ANK1: variants seen among roughly 807,000 people sequenced by gnomAD.
ANK1 encodes ankyrin-1.
A neutral mutation model predicts 210.4 loss-of-function variants in ANK1; 51 were observed. That is an observed-to-expected ratio of 0.24 (90% confidence interval 0.19 to 0.31). The LOEUF is 0.31. Ranked by LOEUF, ANK1 falls within the 10% of genes least tolerant of loss-of-function variation. The probability of loss-of-function intolerance (pLI) is 1.00; values close to 1 mark genes in which losing one functional copy is unlikely to be tolerated. For missense variants in ANK1, 2,051 were observed against 2,504.4 expected (o/e 0.82, Z 3.86); for synonymous variants, 967 against 1,025.9 (o/e 0.94, Z 1.10).
At chr8:41,803,045 A>AAGAAAGAAAGAAAGAAAG (rs1850266251) in intron 1 of ANK1, among the ~76,000 whole-genome samples, 1 of 71,530 alleles carries the variant, frequency 1.4e-5, no homozygotes, top group African/African-American at 6.1e-5. Context: ...AAGAAAGAGA[A>AAGAAAGAAAGAAAGAAAG]AGAAAGAAAG....
At chr8:41,886,052 G>A (rs189319051) in intron 1 of ANK1, among the ~76,000 whole-genome samples, 62 of 152,328 alleles carry the variant, frequency 4.1e-4, no homozygotes, top group African/African-American at 1.2e-3. Flanking sequence ...GGGACAGGAC[G>A]TTCATCTTTT....
At chr8:41,829,404 T>A (rs1398383532) in intron 1 of ANK1, 1 of 152,200 alleles carries the variant, frequency 6.6e-6, no homozygotes, top group Non-Finnish European at 1.5e-5. Context: ...ACCAATCCCA[T>A]TTTTCAGATG....
intron 1 of ANK1, among the ~76,000 whole-genome samples, chr8:41,831,940 T>G (rs997334905): frequency 1.3e-5 from 2 of 151,982 alleles, no homozygotes; most frequent in African/African-American, 4.8e-5. Context: ...GACTATATGA[T>G]CCCATTTAGG....
chr8:41,816,310 T>A (rs368267568), intron 1 of ANK1, among the ~76,000 whole-genome samples: 17 of 152,362 alleles, frequency 1.1e-4, no homozygotes, highest in African/African-American at 4.1e-4. Flanking sequence ...CAGTTTTACT[T>A]GCACAGTTGC....
intron 1 of ANK1, among the ~76,000 whole-genome samples, chr8:41,826,263 A>G (rs1428423712): frequency 6.6e-6 from 1 of 152,134 alleles, no homozygotes; most frequent in Non-Finnish European, 1.5e-5. Context: ...CTGATTGTCT[A>G]TGACCCCATG....
chr8:41,838,767 AAAT>A (rs58514602), intron 1 of ANK1, among the ~76,000 whole-genome samples: 7 of 140,512 alleles, frequency 5.0e-5, no homozygotes, highest in Non-Finnish European at 4.5e-5. Flanking sequence ...TCCGTCTCAA[AAAT>A]AATAATAATA....
intron 2 of ANK1, among the ~76,000 whole-genome samples, chr8:41,737,824 G>A (rs1336548799): frequency 1.3e-5 from 2 of 152,144 alleles, no homozygotes; most frequent in Admixed American, 6.5e-5. Context: ...ACATGGGGAC[G>A]GGGCTGAGGA....
intron 1 of ANK1, among the ~76,000 whole-genome samples, chr8:41,837,091 C>T (rs1807894927): frequency 6.6e-6 from 1 of 152,180 alleles, no homozygotes; most frequent in Admixed American, 6.5e-5. Flanking sequence ...AGAGAAGATC[C>T]TCAATAAATG....
rs183552040 is a variant in ANK1 at position 41,666,150 on chromosome 8, G to A, written c.5394+2117C>T. 4.0e-3 allele frequency among the ~76,000 whole-genome samples: 602 copies of A among 152,278 alleles called. 4 individuals are homozygous for A. The highest frequency in any genetic ancestry group is 0.017 in the Middle Eastern group (5 of 294). ...CTCAGTTTCCTCATCTGTGAAGCAC[G>A]GATTAAAGTGCTCTCCCCACCCTTT... On this transcript the variant is annotated intron_variant, in intron 39 of 42. Transcript: ENST00000289734.
chr8:41,712,370 A>G (rs888490966), intron 16 of ANK1, among the ~76,000 whole-genome samples: 1 of 152,248 alleles, frequency 6.6e-6, no homozygotes, highest in Non-Finnish European at 1.5e-5. Context: ...GCCCAAGGGT[A>G]GGCCTGCCCT....
chr8:41,818,136 G>A (rs900311643), intron 1 of ANK1, among the ~76,000 whole-genome samples: 9 of 152,188 alleles, frequency 5.9e-5, no homozygotes, highest in African/African-American at 1.4e-4. Context: ...AACTATCCAC[G>A]GGAGGGAAAG....
intron 36 of ANK1, among the ~76,000 whole-genome samples, chr8:41,685,920 A>C (rs1817569622): frequency 6.6e-6 from 1 of 152,174 alleles, no homozygotes; most frequent in South Asian, 2.1e-4. Context: ...AGGCCTTGCA[A>C]TTTTTATCTT....
intron 37 of ANK1, among the ~76,000 whole-genome samples, chr8:41,680,677 A>G (rs1287104618): frequency 6.6e-6 from 1 of 152,082 alleles, no homozygotes; most frequent in Non-Finnish European, 1.5e-5. Flanking sequence ...CATTTAGGGT[A>G]CATGCCCAGC....
At chr8:41,859,532 A>G (rs1812872900) in intron 1 of ANK1, among the ~76,000 whole-genome samples, 1 of 152,114 alleles carries the variant, frequency 6.6e-6, no homozygotes, top group Non-Finnish European at 1.5e-5. Context: ...TTTTTAGTAG[A>G]GATGGGGTTT....
intron 16 of ANK1, among the ~76,000 whole-genome samples, chr8:41,713,694 C>T (rs1343822278): frequency 2.6e-5 from 4 of 152,214 alleles, no homozygotes; most frequent in Admixed American, 2.6e-4. Flanking sequence ...TCTCAAAGTA[C>T]GGTCGCTGTG....
chr8:41,663,896 T>G, intron 39 of ANK1, 154 bp from the exon 40 acceptor site: 1 of 713,696 alleles, frequency 1.4e-6, no homozygotes, highest in Non-Finnish European at 2.5e-6. Context: ...GCAGGAGCCA[T>G]GCCAGGGCTC....
At chr8:41,887,838 G>A (rs922389339) in intron 1 of ANK1, among the ~76,000 whole-genome samples, 3 of 152,202 alleles carry the variant, frequency 2.0e-5, no homozygotes, top group Non-Finnish European at 4.4e-5. Context: ...GCATGTTTTT[G>A]GTGAATGTAA....
chr8:41,769,959 CTTTTTTTTTTCTTTTTTCTTTTTTTT>C (rs1842662751), intron 1 of ANK1, among the ~76,000 whole-genome samples: 1 of 115,064 alleles, frequency 8.7e-6, no homozygotes, highest in South Asian at 3.0e-4. Context: ...TATATATCTT[CTTTTTTTTTTCTTTTTTCTTTTTTTT>C]TTTTTTTTTT....
upstream of ANK1, among the ~76,000 whole-genome samples, chr8:41,799,756 C>T (rs1306536734): frequency 1.3e-5 from 2 of 152,146 alleles, no homozygotes; most frequent in African/African-American, 4.8e-5. Flanking sequence ...CAACACAAGG[C>T]TCCTCTCCCT....
Sources: allele counts gnomAD v4.1 joint callset (sites outside exome capture counted in the v4.1 genomes callset), GRCh38; gene constraint gnomAD v4.1.1; transcripts MANE v1.5; gene names NCBI Gene and HGNC (gene_info 2026-07-23, HGNC 2026-07-21).